The following SERINC1 variants were observed in gnomAD, a reference collection of about 807,000 sequenced individuals.
SERINC1 encodes the protein tumor differentially expressed protein 2.
Under a neutral mutation model 52.9 loss-of-function variants are expected in SERINC1, and 38 were observed. That is an observed-to-expected ratio of 0.72 (90% CI 0.55 to 0.94). The LOEUF (loss-of-function observed/expected upper bound fraction) is 0.94. Ranked by LOEUF, SERINC1 falls within the 40% of genes least tolerant of loss-of-function variation. The pLI, the probability that SERINC1 is intolerant of heterozygous loss-of-function variation, is 0.00. For synonymous variants in SERINC1, 198 were observed against 183.1 expected, an observed-to-expected ratio of 1.08 and a Z score of -0.66; for missense variants, 471 against 533.9, an observed-to-expected ratio of 0.88 and a Z score of 1.16.
intron 1 of SERINC1, among the ~76,000 whole-genome samples, chr6:122,462,674 G>A (rs925849209): frequency 2.0e-5 from 3 of 152,082 alleles, no homozygotes; most frequent in Non-Finnish European, 2.9e-5. Flanking sequence ...CTAACTCATC[G>A]GTTTAATAAG....
intron 2 of SERINC1, among the ~76,000 whole-genome samples, chr6:122,457,798 G>GACAT (rs935261240): frequency 7.4e-4 from 76 of 103,098 alleles, no homozygotes; most frequent in African/African-American, 2.8e-3. Flanking sequence ...AACTGAGTAA[G>GACAT]ACATACATAT....
chr6:122,450,499 C>T (rs1041843081), intron 7 of SERINC1, among the ~76,000 whole-genome samples: 2 of 151,988 alleles, frequency 1.3e-5, no homozygotes, highest in African/African-American at 4.8e-5. Context: ...TTCTGCAGCC[C>T]ATGGAAAAAG....
chr6:122,471,559 G>C, intron 1 of SERINC1, 140 bp downstream of exon 1: 1 of 972,576 alleles, frequency 1.0e-6, no homozygotes, highest in Non-Finnish European at 1.6e-6. Context: ...GAGAGGAGAC[G>C]GGAAGAAAAC....
chr6:122,456,073 A>G (rs1765111715), intron 3 of SERINC1, among the ~76,000 whole-genome samples: 1 of 152,180 alleles, frequency 6.6e-6, no homozygotes, highest in Admixed American at 6.5e-5. Flanking sequence ...GAAGATTGAT[A>G]AAAGAAACCC....
chr6:122,469,321 T>C (rs1775235446), intron 1 of SERINC1, among the ~76,000 whole-genome samples: 1 of 152,126 alleles, frequency 6.6e-6, no homozygotes, highest in Admixed American at 6.6e-5. Flanking sequence ...AATTCTGGCT[T>C]ACCTGATCTA....
At chr6:122,446,716 A>G in intron 9 of SERINC1, 58 bp downstream of exon 9, 1 of 1,145,836 alleles carries the variant, frequency 8.7e-7, no homozygotes, top group Non-Finnish European at 1.3e-6. Flanking sequence ...GTTTCACAAG[A>G]GAATCATAAA....
At chr6:122,448,331 T>C (rs1184424681) in intron 7 of SERINC1, among the ~76,000 whole-genome samples, 1 of 151,856 alleles carries the variant, frequency 6.6e-6, no homozygotes, top group African/African-American at 2.4e-5. Context: ...GTGTAATACA[T>C]CAAAACAAAA....
chr6:122,460,774 T>C (rs1469869479), intron 1 of SERINC1, among the ~76,000 whole-genome samples: 1 of 152,170 alleles, frequency 6.6e-6, no homozygotes, highest in Non-Finnish European at 1.5e-5. Context: ...GGAAATGATA[T>C]AGATAACTGA....
chr6:122,449,842 C>A (rs1157036595), intron 7 of SERINC1, among the ~76,000 whole-genome samples: 1 of 151,996 alleles, frequency 6.6e-6, no homozygotes, highest in Admixed American at 6.6e-5. Context: ...CATGGTGAAA[C>A]CCAATCTCTA....
At chr6:122,468,924 CTAATACCAA>C (rs1413184566) in intron 1 of SERINC1, among the ~76,000 whole-genome samples, 4 of 152,096 alleles carry the variant, frequency 2.6e-5, no homozygotes, top group Admixed American at 2.6e-4. Flanking sequence ...TGTCTACTCA[CTAATACCAA>C]TGTTGAGACT....
Position 122,446,977 on chromosome 6 carries a change from A to C in SERINC1, c.1023T>G (p.Val341=). ...SSIRTSNNSQ[V]NKLTLTSDES... is the part of the protein sequence containing the mutation. Reference sequence around the variant, plus strand: ...CATCACTTGTTAGAGTCAGTTTATTAACCTGACTATTGTTTGAAGTACGGA... The same window carrying C: ...CATCACTTGTTAGAGTCAGTTTATTCACCTGACTATTGTTTGAAGTACGGA... The change falls in exon 9 of 10, where the codon GTT becomes GTG. Residue 341 remains valine, a synonymous_variant. Coordinates refer to ENST00000339697, the MANE Select transcript of SERINC1 (RefSeq NM_020755.4). 6.2e-7 allele frequency: 1 copy of C among 1,612,610 alleles called. No homozygotes were observed. Among genetic ancestry groups the C allele is most frequent in the South Asian group, 1.1e-5 (1 of 91,038 alleles).
chr6:122,468,594 T>C (rs1251888535), intron 1 of SERINC1, among the ~76,000 whole-genome samples: 1 of 145,790 alleles, frequency 6.9e-6, no homozygotes, highest in Non-Finnish European at 1.6e-5. Flanking sequence ...TAAAAATATG[T>C]TTAAGATGCT....
intron 9 of SERINC1, 68 bp downstream of exon 9, chr6:122,446,706 G>A (rs1479835556): frequency 7.6e-6 from 8 of 1,046,516 alleles, no homozygotes; most frequent in African/African-American, 1.6e-5. Flanking sequence ...TCACATCATG[G>A]TTTCACAAGA....
intron 1 of SERINC1, 108 bp downstream of exon 1, chr6:122,471,591 T>G: frequency 7.4e-7 from 1 of 1,355,028 alleles, no homozygotes; most frequent in Non-Finnish European, 1.1e-6. Context: ...GGGCACTCCC[T>G]GTTGGGTGGG....
At chr6:122,457,822 T>TATATAC (rs947432963) in intron 2 of SERINC1, among the ~76,000 whole-genome samples, 1 of 151,092 alleles carries the variant, frequency 6.6e-6, no homozygotes, top group Non-Finnish European at 1.5e-5. Context: ...TATATATATA[T>TATATAC]ACATGTACAC....
Position 122,452,061 on chromosome 6 carries a change from T to C in SERINC1, c.590-4A>G, listed in dbSNP as rs746905746. The C allele has an allele frequency of 2.0e-6, 3 of 1,488,470 alleles. No homozygotes were observed. Among genetic ancestry groups the C allele is most frequent in the Non-Finnish European group, 2.7e-6 (3 of 1,118,192 alleles). The allele number at this position is 1,488,470 out of a possible 1,614,324, so 92.2% of individuals were successfully genotyped here. On this transcript the variant is annotated splice_region_variant and splice_polypyrimidine_tract_variant and intron_variant, in intron 5 of 9. Transcript: ENST00000339697. Reference sequence around the variant, plus strand: ...AGAGCTGTAGCTGATAACAAGGCTGTGAAAGAAATATAATTGGATAATTAG... The same window carrying C: ...AGAGCTGTAGCTGATAACAAGGCTGCGAAAGAAATATAATTGGATAATTAG...
chr6:122,454,434 G>C, intron 3 of SERINC1: 1 of 495,588 alleles, frequency 2.0e-6, no homozygotes, highest in Non-Finnish European at 3.6e-6. Flanking sequence ...ATAGTTTGGA[G>C]AGAGAGTGAA....
rs74614845 is a variant in SERINC1, at chr6:122,452,741, A to C, written c.590-684T>G. 5.0e-3 allele frequency among the ~76,000 whole-genome samples: 759 copies of C among 152,232 alleles called. 49 individuals carry two copies. In the East Asian group the frequency reaches 0.13, roughly 26 times the overall value. On this transcript the variant is annotated intron_variant, in intron 5 of 9. Coordinates refer to ENST00000339697, the MANE Select transcript of SERINC1 (RefSeq NM_020755.4). ...AGGCCCTGGGGATACAGCAGGGAAC[A>C]AAAGACACAGAAACCCTTGCATTAG...
At chr6:122,453,695 A>G (rs1315069584) in intron 5 of SERINC1, 75 bp downstream of exon 5, 2 of 1,232,084 alleles carry the variant, frequency 1.6e-6, no homozygotes, top group Non-Finnish European at 2.2e-6. Context: ...ATCCTAAGTG[A>G]TTTACCTAGT....
Sources: allele counts gnomAD v4.1 joint callset (sites outside exome capture counted in the v4.1 genomes callset), GRCh38; gene constraint gnomAD v4.1.1; transcripts MANE v1.5; gene names NCBI Gene and HGNC (gene_info 2026-07-23, HGNC 2026-07-21).